KCNAB2: variants seen among roughly 807,000 people sequenced by gnomAD.
The protein encoded by KCNAB2 is potassium voltage-gated channel subfamily A regulatory beta subunit 2, also known as voltage-gated potassium channel subunit beta-2.
In KCNAB2, 29 loss-of-function variants were observed where a neutral mutation model predicts 63.6. That is an observed-to-expected ratio of 0.46 (90% CI 0.34 to 0.62). The LOEUF is 0.62. Ranked by LOEUF, KCNAB2 falls within the 20% of genes least tolerant of loss-of-function variation. The pLI, the probability that KCNAB2 is intolerant of heterozygous loss-of-function variation, is 0.01. For synonymous variants in KCNAB2, 222 were observed against 224.2 expected (o/e 0.99, Z 0.09); for missense variants, 359 against 563.9 (o/e 0.64, Z 3.68).
intron 1 of KCNAB2, among the ~76,000 whole-genome samples, chr1:6,007,869 TTCTCTCCCTGGCACTGCAGCCAGG>T (rs1657919607): frequency 6.6e-6 from 1 of 152,158 alleles, no homozygotes; most frequent in Non-Finnish European, 1.5e-5. Flanking sequence ...CAGAGGCTCC[TTCTCTCCCTGGCACTGCAGCCAGG>T]TAGAGGCAGC....
At position 6,096,008 on chromosome 1, in the gene KCNAB2, T is replaced by G; in HGVS notation, c.948+384T>G. 2.2e-6 allele frequency: 1 copy of G among 444,988 alleles called. No homozygotes were observed. Among genetic ancestry groups the G allele is most frequent in the Non-Finnish European group, 4.5e-6 (1 of 221,214 alleles). The allele number at this position is 444,988 out of a possible 1,614,324, so 27.6% of individuals were successfully genotyped here. ...TGGGGGCTGCAAAGCCACATGGAGG[T>G]GACCCTGGGAGAGGCGCCCCTCCCC... On this transcript the variant is annotated intron_variant, in intron 13 of 15. Transcript: ENST00000378083. The surrounding 1 kb of genome is among the most constrained non-coding windows in gnomAD (Gnocchi z 5.9).
At chr1:6,077,529 C>T (rs756775775) in intron 4 of KCNAB2, among the ~76,000 whole-genome samples, 21 of 152,168 alleles carry the variant, frequency 1.4e-4, no homozygotes, top group African/African-American at 1.2e-4. Context: ...TCTGCAGTGC[C>T]GGACCCTGCT....
intron 1 of KCNAB2, chr1:5,992,810 G>A (rs1048385076): frequency 6.6e-6 from 1 of 152,050 alleles, no homozygotes; most frequent in Non-Finnish European, 1.5e-5. Context: ...GGAGACCCCG[G>A]CGGGGCGCGC....
intron 11 of KCNAB2, 84 bp downstream of exon 11, chr1:6,094,569 G>T (rs997620699): frequency 8.4e-6 from 10 of 1,195,622 alleles, no homozygotes; most frequent in African/African-American, 1.5e-5. Flanking sequence ...CTCTGGCGGG[G>T]TCTGTGCCTT....
At chr1:6,002,058 C>T (rs552349821) in intron 1 of KCNAB2, among the ~76,000 whole-genome samples, 2 of 152,328 alleles carry the variant, frequency 1.3e-5, no homozygotes, top group South Asian at 4.1e-4. Flanking sequence ...CCCATCACCT[C>T]TGTCCCCCAG....
At position 6,061,328 on chromosome 1, in the gene KCNAB2, G is replaced by A. The variant is rs549044950; in HGVS notation, c.218+9574G>A. Among the ~76,000 whole-genome samples, 17 of 152,312 alleles carry A rather than the reference G, an allele frequency of 1.1e-4. No individual in the cohort carries two copies. The South Asian group carries it at 1.9e-3, about 17-fold the overall frequency. On this transcript the variant is annotated intron_variant, in intron 2 of 15. Transcript: ENST00000378083. The stretch of plus-strand genomic sequence containing the variant: ...GACCAAAGCCTACCAGCACTGGGCC[G>A]GGCGGTGGCTCACGCCTGTAACCCC...
upstream of KCNAB2, among the ~76,000 whole-genome samples, chr1:6,033,301 A>G (rs1414074255): frequency 6.9e-6 from 1 of 144,128 alleles, no homozygotes; most frequent in African/African-American, 2.6e-5. Context: ...GTGGGTGTGC[A>G]TATGTGTGTG....
intron 1 of KCNAB2, 51 bp from the exon 2 acceptor site, chr1:6,051,460 T>C: frequency 7.0e-7 from 1 of 1,426,586 alleles, no homozygotes; most frequent in East Asian, 2.6e-5. Flanking sequence ...CCATCCAGCC[T>C]GGGGCACGTG....
upstream of KCNAB2, chr1:6,041,815 C>T (rs1361938719): frequency 6.2e-7 from 1 of 1,611,100 alleles, no homozygotes; most frequent in African/African-American, 1.3e-5. Context: ...TCTCTTTTCT[C>T]CATTGCTGTC....
chr1:6,015,395 C>T (rs1002774923), intron 1 of KCNAB2, among the ~76,000 whole-genome samples: 1 of 152,146 alleles, frequency 6.6e-6, no homozygotes, highest in African/African-American at 2.4e-5. Flanking sequence ...TCAGGCCCAC[C>T]GTTTGTTTTT....
At chr1:6,079,529 A>AG (rs1305573624) in intron 4 of KCNAB2, among the ~76,000 whole-genome samples, 4 of 152,120 alleles carry the variant, frequency 2.6e-5, no homozygotes, top group Non-Finnish European at 5.9e-5. Context: ...CCAAAAAAAA[A>AG]AAATAACCCC....
At chr1:6,075,301 A>G (rs1447439803) in intron 4 of KCNAB2, among the ~76,000 whole-genome samples, 1 of 152,256 alleles carries the variant, frequency 6.6e-6, no homozygotes, top group Non-Finnish European at 1.5e-5. Flanking sequence ...CCATCCAATG[A>G]GATGACGTTT....
At chr1:6,016,129 G>A (rs1220209790) in intron 1 of KCNAB2, among the ~76,000 whole-genome samples, 1 of 152,214 alleles carries the variant, frequency 6.6e-6, no homozygotes, top group Non-Finnish European at 1.5e-5. Flanking sequence ...CGTAAAGGAA[G>A]CACTACATTC....
rs181758089 is a variant in KCNAB2, at chr1:6,061,632, C to T, written c.218+9878C>T. ...ACCAAAAATGCCTCCCTATGCTGCC[C>T]AGTGTTCCCTGGGGAACAAAACCCC... On this transcript the variant is annotated intron_variant, in intron 2 of 15. Transcript: ENST00000378083. Among the ~76,000 whole-genome samples, 380 of 152,358 alleles carry T rather than the reference C, an allele frequency of 2.5e-3. 2 individuals are homozygous for T. Among genetic ancestry groups the T allele is most frequent in the African/African-American group, 7.7e-3 (321 of 41,578 alleles).
At chr1:6,019,035 T>C (rs765148642) in intron 1 of KCNAB2, among the ~76,000 whole-genome samples, 1 of 152,250 alleles carries the variant, frequency 6.6e-6, no homozygotes, top group Admixed American at 6.5e-5. Context: ...TTCACACCTG[T>C]AAGCCCAGCA....
intron 2 of KCNAB2, among the ~76,000 whole-genome samples, chr1:6,054,291 A>G (rs550192202): frequency 6.6e-6 from 1 of 152,194 alleles, no homozygotes; most frequent in African/African-American, 2.4e-5. Context: ...GGCATCTTGA[A>G]CAAAGAATTG....
In KCNAB2 at chr1:5,994,029, T is replaced by C. The variant is rs1048204053; in HGVS notation, c.-53+1241T>C. 8.5e-5 allele frequency among the ~76,000 whole-genome samples: 13 copies of C among 152,204 alleles called. No homozygotes were observed. The highest frequency in any genetic ancestry group is 8.5e-4 in the Admixed American group (13 of 15,272). On this transcript the variant is annotated intron_variant, in intron 1 of 16. Coordinates refer to the KCNAB2 transcript ENST00000341524. The surrounding 1 kb of genome is among the most constrained non-coding windows in gnomAD (Gnocchi z 5.4). ...GTCCAAGGGGAGATGACATAAGTAA[T>C]AGCTCTTGGGGAAGTGGGCTATTAG... is the stretch of plus-strand genomic sequence containing the variant.
chr1:6,008,395 C>T (rs1215565659), intron 1 of KCNAB2, among the ~76,000 whole-genome samples: 8 of 152,040 alleles, frequency 5.3e-5, no homozygotes, highest in Non-Finnish European at 8.8e-5. Context: ...CCAAGGTGGG[C>T]GGATCACCTG....
In KCNAB2 at chr1:6,099,446, T is replaced by C. The variant is rs567148362; in HGVS notation, c.*872T>C. On this transcript the variant is annotated 3_prime_UTR_variant, in exon 16 of 16. Transcript: ENST00000378083. ...AGGCCCCTCTGTCTGGCCACCCCTCTGTCCTGGCCCCGGAAGGCCCTGTGG... is the reference window on the plus strand; with the variant it reads ...AGGCCCCTCTGTCTGGCCACCCCTCCGTCCTGGCCCCGGAAGGCCCTGTGG... The C allele has an allele frequency of 1.6e-4, 33 of 210,216 alleles. No individual in the cohort carries two copies. The highest frequency in any genetic ancestry group is 7.1e-4 in the Admixed American group (13 of 18,418). The allele number at this position is 210,216 out of a possible 1,614,324, so 13.0% of individuals were successfully genotyped here. A position where few individuals can be genotyped will look rare whatever the true frequency, so the allele number is the denominator to read the frequency against.
Sources: gnomAD v4.1 joint callset for allele counts (sites outside exome capture counted in the v4.1 genomes callset) on GRCh38, gnomAD v4.1.1 for gene constraint, Gnocchi (gnomAD v3.1) non-coding constraint, MANE v1.5 for transcripts, NCBI Gene and HGNC (gene_info 2026-07-23, HGNC 2026-07-21) for gene names.